The following ROBO1 variants were observed in gnomAD, a reference collection of about 807,000 sequenced individuals.
ROBO1 encodes roundabout guidance receptor 1, also known as roundabout homolog 1.
ROBO1 carries 149 observed loss-of-function variants against 195.9 expected under a neutral mutation model. The ratio of observed to expected loss-of-function variants is 0.76; its 90% CI spans 0.67 to 0.87. The LOEUF is 0.87. Ranked by LOEUF, ROBO1 falls within the 40% of genes least tolerant of loss-of-function variation. ROBO1 has a pLI of 0.00. For synonymous variants in ROBO1, 816 were observed against 733.2 expected (o/e 1.11, Z -1.82); for missense variants, 1,933 against 2,068.3 (o/e 0.93, Z 1.27).
intron 2 of ROBO1, among the ~76,000 whole-genome samples, chr3:79,336,301 C>G (rs935324059): frequency 1.3e-5 from 2 of 152,092 alleles, no homozygotes; most frequent in Admixed American, 6.5e-5. Flanking sequence ...GCCTGGAAGC[C>G]TAGGAGGGAA....
At chr3:78,634,545 C>CA (rs1705380295) in intron 23 of ROBO1, 2 of 338,422 alleles carry the variant, frequency 5.9e-6, no homozygotes, top group African/African-American at 4.3e-5. Context: ...AATCTGCTTA[C>CA]AAGCAGTATA....
intron 2 of ROBO1, among the ~76,000 whole-genome samples, chr3:79,128,360 C>G (rs1464502427): frequency 6.6e-6 from 1 of 152,106 alleles, no homozygotes; most frequent in East Asian, 1.9e-4. Context: ...TCCTGAGGAT[C>G]AGGTATTCTG....
At chr3:79,459,799 A>T (rs1017107641) in intron 2 of ROBO1, among the ~76,000 whole-genome samples, 1 of 152,138 alleles carries the variant, frequency 6.6e-6, no homozygotes, top group Non-Finnish European at 1.5e-5. Flanking sequence ...ACAAGGTATT[A>T]TTATGAATAA....
intron 2 of ROBO1, among the ~76,000 whole-genome samples, chr3:79,197,527 G>T (rs895419164): frequency 6.6e-6 from 1 of 152,054 alleles, no homozygotes; most frequent in Non-Finnish European, 1.5e-5. Flanking sequence ...ATAGTAGAAT[G>T]ATTTATAATC....
intron 4 of ROBO1, among the ~76,000 whole-genome samples, chr3:78,886,443 A>G (rs1180588622): frequency 6.6e-6 from 1 of 152,066 alleles, no homozygotes; most frequent in Non-Finnish European, 1.5e-5. Flanking sequence ...AAAATACAAA[A>G]ACTACCCAGG....
intron 5 of ROBO1, among the ~76,000 whole-genome samples, chr3:78,728,342 A>C (rs1296712167): frequency 1.3e-5 from 2 of 152,218 alleles, no homozygotes; most frequent in African/African-American, 2.4e-5. Flanking sequence ...ACTCAAGACC[A>C]GTCCAATATG....
chr3:79,405,568 C>G (rs1344323670), intron 2 of ROBO1, among the ~76,000 whole-genome samples: 1 of 152,090 alleles, frequency 6.6e-6, no homozygotes, highest in Non-Finnish European at 1.5e-5. Context: ...TAATTCTTTA[C>G]TTTTTATTTT....
At chr3:79,560,676 G>A (rs888517325) in intron 2 of ROBO1, among the ~76,000 whole-genome samples, 2 of 151,170 alleles carry the variant, frequency 1.3e-5, no homozygotes, top group Non-Finnish European at 2.9e-5. Context: ...GATCTCACAG[G>A]ATTAGGCATT....
intron 2 of ROBO1, among the ~76,000 whole-genome samples, chr3:79,503,098 C>G (rs1303825748): frequency 6.6e-6 from 1 of 152,128 alleles, no homozygotes; most frequent in Admixed American, 6.5e-5. Flanking sequence ...TGCAATAAAT[C>G]TCGCTGCTGC....
intron 3 of ROBO1, among the ~76,000 whole-genome samples, chr3:79,112,562 A>G (rs1482454164): frequency 6.6e-6 from 1 of 152,172 alleles, no homozygotes; most frequent in Non-Finnish European, 1.5e-5. Flanking sequence ...TAGAATTCAA[A>G]TACCTGTGAT....
chr3:78,945,849 G>T (rs887006660), intron 3 of ROBO1, among the ~76,000 whole-genome samples: 13 of 152,018 alleles, frequency 8.6e-5, no homozygotes, highest in Admixed American at 4.6e-4. Context: ...TGAAAACCAA[G>T]GCACGAGAGC....
intron 2 of ROBO1, among the ~76,000 whole-genome samples, chr3:79,554,327 C>A (rs1221590947): frequency 2.0e-5 from 3 of 151,998 alleles, no homozygotes; most frequent in East Asian, 3.9e-4. Flanking sequence ...AAGTGTAATT[C>A]TTTCTAAATA....
At chr3:78,959,815 AC>A (rs1452730832) in intron 3 of ROBO1, among the ~76,000 whole-genome samples, 21 of 152,350 alleles carry the variant, frequency 1.4e-4, no homozygotes, top group African/African-American at 5.1e-4. Flanking sequence ...TGTTTAATAC[AC>A]AGATAGCACA....
intron 2 of ROBO1, among the ~76,000 whole-genome samples, chr3:79,378,015 T>C (rs1489846): frequency 0.67 from 101,338 of 151,896 alleles, 35,303 homozygotes; most frequent in African/African-American, 0.88. Flanking sequence ...CTCAACACCC[T>C]GCCAACCTCT....
chr3:79,147,144 C>A (rs552803348), intron 2 of ROBO1, among the ~76,000 whole-genome samples: 1 of 151,818 alleles, frequency 6.6e-6, no homozygotes, highest in Non-Finnish European at 1.5e-5. Flanking sequence ...GATTTAAATT[C>A]TAATTTTATA....
At chr3:79,761,446 C>T (rs952705198) in intron 1 of ROBO1, among the ~76,000 whole-genome samples, 3 of 151,866 alleles carry the variant, frequency 2.0e-5, no homozygotes, top group Non-Finnish European at 4.4e-5. Flanking sequence ...GGAAGAGTAC[C>T]CAGAAAACTT....
At chr3:79,499,324 T>C (rs1939928888) in intron 2 of ROBO1, among the ~76,000 whole-genome samples, 1 of 152,172 alleles carries the variant, frequency 6.6e-6, no homozygotes, top group Non-Finnish European at 1.5e-5. Context: ...CAATTTAAGC[T>C]GGCTAAGTCT....
At chr3:79,759,821 C>A (rs1052061666) in intron 1 of ROBO1, among the ~76,000 whole-genome samples, 1 of 152,106 alleles carries the variant, frequency 6.6e-6, no homozygotes, top group African/African-American at 2.4e-5. Flanking sequence ...TGCCAACCAG[C>A]CTTATAAACA....
chr3:79,014,137 G>A lies in ROBO1; in HGVS notation c.173-75210C>T, dbSNP rs184669676. Among the ~76,000 whole-genome samples the A allele has an allele frequency of 1.3e-3, 203 of 152,184 alleles. 1 individual carries two copies. Among genetic ancestry groups the A allele is most frequent in the Admixed American group, 6.8e-3 (104 of 15,298 alleles). On this transcript the variant is annotated intron_variant, in intron 3 of 30. Coordinates refer to ENST00000464233, the MANE Select transcript of ROBO1 (RefSeq NM_002941.4). The stretch of plus-strand genomic sequence containing the variant: ...CTATCTAGTTCTTTATATAGTTGTT[G>A]AATTTAAGAGAATATACACTGACAT...
Sources: gnomAD v4.1 joint callset for allele counts (sites outside exome capture counted in the v4.1 genomes callset) on GRCh38, gnomAD v4.1.1 for gene constraint, MANE v1.5 for transcripts, NCBI Gene and HGNC (gene_info 2026-07-23, HGNC 2026-07-21) for gene names.